EXOC4: variants seen among roughly 807,000 people sequenced by gnomAD.
EXOC4 encodes SEC8-like 1.
EXOC4 carries 71 observed loss-of-function variants against 107.2 expected under a neutral mutation model. The ratio of observed to expected loss-of-function variants is 0.66; its 90% confidence interval spans 0.55 to 0.81. The LOEUF is 0.81. EXOC4 is among the 30% of genes least tolerant of loss of function. The pLI is 0.00. For synonymous variants in EXOC4, 456 were observed against 441.2 expected, an observed-to-expected ratio of 1.03 and a Z score of -0.42; for missense variants, 1,108 against 1,189.6, an observed-to-expected ratio of 0.93 and a Z score of 1.01.
chr7:133,712,748 C>G (rs1287374094), intron 10 of EXOC4, among the ~76,000 whole-genome samples: 1 of 152,054 alleles, frequency 6.6e-6, no homozygotes, highest in Non-Finnish European at 1.5e-5. Context: ...AATGGTATAT[C>G]CATATAGTGG....
chr7:133,988,242 T>C (rs1185326215), intron 14 of EXOC4, among the ~76,000 whole-genome samples: 3 of 152,206 alleles, frequency 2.0e-5, no homozygotes, highest in Non-Finnish European at 4.4e-5. Flanking sequence ...TTAAACTATA[T>C]TTCTGTTAGA....
chr7:133,494,367 G>A (rs894760811), intron 9 of EXOC4, among the ~76,000 whole-genome samples: 2 of 152,152 alleles, frequency 1.3e-5, no homozygotes, highest in African/African-American at 4.8e-5. Flanking sequence ...GATCTGAAAG[G>A]GAAATTTTTG....
chr7:133,370,690 G>C (rs1796355044), intron 6 of EXOC4, among the ~76,000 whole-genome samples: 1 of 152,138 alleles, frequency 6.6e-6, no homozygotes, highest in African/African-American at 2.4e-5. Context: ...TTTTCCCTTT[G>C]GCTTAGTGAT....
intron 9 of EXOC4, among the ~76,000 whole-genome samples, chr7:133,512,428 T>TAAA (rs371729448): frequency 1.4e-5 from 2 of 142,268 alleles, no homozygotes; most frequent in African/African-American, 5.1e-5. Context: ...GACTCCATCT[T>TAAA]AAAAAAAAAA....
intron 10 of EXOC4, among the ~76,000 whole-genome samples, chr7:133,723,137 A>G (rs375237436): frequency 1.3e-5 from 2 of 152,246 alleles, no homozygotes; most frequent in African/African-American, 2.4e-5. Flanking sequence ...TTTGTGCTAC[A>G]TGTCTGTTGC....
intron 14 of EXOC4, among the ~76,000 whole-genome samples, chr7:133,953,875 A>G (rs554829592): frequency 2.6e-5 from 4 of 152,206 alleles, no homozygotes; most frequent in Non-Finnish European, 4.4e-5. Flanking sequence ...AAGTAAAACA[A>G]TCAGAAACAT....
At chr7:133,379,264 A>G (rs1036076450) in intron 7 of EXOC4, among the ~76,000 whole-genome samples, 1 of 152,090 alleles carries the variant, frequency 6.6e-6, no homozygotes, top group African/African-American at 2.4e-5. Flanking sequence ...CCCCTCCAGT[A>G]GAGAAACCAG....
At chr7:133,694,258 T>C (rs1794484173) in intron 10 of EXOC4, among the ~76,000 whole-genome samples, 1 of 27,208 alleles carries the variant, frequency 3.7e-5, no homozygotes, top group African/African-American at 1.3e-4. Flanking sequence ...AGATTCCTTC[T>C]CAAAAAAAAA....
At chr7:133,262,726 G>C (rs1000788793) in intron 1 of EXOC4, among the ~76,000 whole-genome samples, 1 of 152,126 alleles carries the variant, frequency 6.6e-6, no homozygotes, top group Admixed American at 6.5e-5. Flanking sequence ...AGATTCCCAG[G>C]TGATTTGAAA....
intron 3 of EXOC4, among the ~76,000 whole-genome samples, chr7:133,297,814 C>T (rs1032531591): frequency 2.0e-5 from 3 of 152,136 alleles, no homozygotes; most frequent in African/African-American, 4.8e-5. Context: ...TAATGCATAC[C>T]GGTTTTAATC....
chr7:133,421,544 A>G (rs1797607468), intron 7 of EXOC4, among the ~76,000 whole-genome samples: 2 of 152,232 alleles, frequency 1.3e-5, no homozygotes, highest in Admixed American at 6.5e-5. Flanking sequence ...AAGGAAAGTT[A>G]TGGAGAAAGA....
intron 7 of EXOC4, among the ~76,000 whole-genome samples, chr7:133,433,061 G>T (rs1021991690): frequency 4.6e-5 from 7 of 152,100 alleles, no homozygotes; most frequent in African/African-American, 1.7e-4. Context: ...TCTTATTTTC[G>T]AATGGTAGTA....
At chr7:133,594,493 C>CTTTTTTTTTTTTTTTTTTTT (rs532692119) in intron 9 of EXOC4, among the ~76,000 whole-genome samples, 6 of 90,362 alleles carry the variant, frequency 6.6e-5, no homozygotes, top group African/African-American at 1.8e-4. Flanking sequence ...AAGCTTGAGT[C>CTTTTTTTTTTTTTTTTTTTT]TTTTTTTTTT....
chr7:133,753,833 T>G (rs1294364704), intron 10 of EXOC4, among the ~76,000 whole-genome samples: 1 of 152,160 alleles, frequency 6.6e-6, no homozygotes, highest in African/African-American at 2.4e-5. Context: ...ACTCAGAACT[T>G]TAGACTTTAT....
Position 133,871,641 on chromosome 7 carries a change from G to A in EXOC4, c.1735-23958G>A, listed in dbSNP as rs115873653. 2.4e-3 allele frequency among the ~76,000 whole-genome samples: 366 copies of A among 152,044 alleles called. 5 individuals carry two copies. The highest frequency in any genetic ancestry group is 8.2e-3 in the African/African-American group (342 of 41,470). ...CATTAATTTCTCTCTTTCTCCCTCT[G>A]TTTCCACTTCCCATCCTCTTCTCCT... On this transcript the variant is annotated intron_variant, in intron 11 of 17. Coordinates refer to ENST00000253861, the MANE Select transcript of EXOC4 (RefSeq NM_021807.4).
intron 13 of EXOC4, among the ~76,000 whole-genome samples, chr7:133,930,038 C>G (rs1444252792): frequency 1.3e-5 from 2 of 152,104 alleles, no homozygotes; most frequent in African/African-American, 4.8e-5. Context: ...GGAAGGAGTT[C>G]AATGCTATAT....
chr7:133,318,270 G>A (rs115775119), intron 5 of EXOC4, among the ~76,000 whole-genome samples: 2,959 of 152,278 alleles, frequency 0.019, 77 homozygotes, highest in African/African-American at 0.067. Context: ...CCATTTTGGG[G>A]TTATGTTTAA....
intron 9 of EXOC4, among the ~76,000 whole-genome samples, chr7:133,519,598 A>T (rs1048652512): frequency 1.3e-5 from 2 of 152,202 alleles, no homozygotes; most frequent in Admixed American, 6.5e-5. Flanking sequence ...ACAGTTATTT[A>T]AAAATAGGAG....
intron 9 of EXOC4, among the ~76,000 whole-genome samples, chr7:133,543,546 C>T (rs1259252099): frequency 6.6e-6 from 1 of 152,084 alleles, no homozygotes; most frequent in Non-Finnish European, 1.5e-5. Context: ...TATTTAATAA[C>T]TATTATTAGG....
Sources: allele counts gnomAD v4.1 joint callset (sites outside exome capture counted in the v4.1 genomes callset), GRCh38; gene constraint gnomAD v4.1.1; transcripts MANE v1.5; gene names NCBI Gene and HGNC (gene_info 2026-07-23, HGNC 2026-07-21).